MELK: variants seen among roughly 807,000 people sequenced by gnomAD.
MELK encodes the protein maternal embryonic leucine zipper kinase, also known as pEg3 kinase.
Under a neutral mutation model 85.0 loss-of-function variants are expected in MELK, and 81 were observed. That is an observed-to-expected ratio of 0.95 (90% confidence interval 0.80 to 1.15). The LOEUF is 1.15. Ranked by LOEUF, MELK falls within the 50% of genes most tolerant of loss-of-function variation. MELK has a pLI of 0.00. For missense variants in MELK, 754 were observed against 777.5 expected, an observed-to-expected ratio of 0.97 and a Z score of 0.36; for synonymous variants, 252 against 265.0, an observed-to-expected ratio of 0.95 and a Z score of 0.48.
intron 13 of MELK, among the ~76,000 whole-genome samples, chr9:36,658,845 G>A (rs1309575637): frequency 6.6e-6 from 1 of 150,924 alleles, no homozygotes; most frequent in Non-Finnish European, 1.5e-5. Context: ...GGGATTACAG[G>A]CACCCGCCAT....
chr9:36,607,806 C>T lies in MELK; in HGVS notation c.666+133C>T. On this transcript the variant is annotated intron_variant, in intron 8 of 17. Transcript: ENST00000298048. ...GTTAGAAGTCAAAATCTTAGTTATT[C>T]TTTGGGAGTGGTTAAGGAGTGGGCT... is the stretch of plus-strand genomic sequence containing the variant. The T allele has an allele frequency of 1.0e-5, 7 of 691,540 alleles. No individual in the cohort carries two copies. In the South Asian group the frequency reaches 1.3e-4, roughly 13 times the overall value. The allele number at this position is 691,540 out of a possible 1,614,324, so 42.8% of individuals were successfully genotyped here. A position where few individuals can be genotyped will look rare whatever the true frequency, so the allele number is the denominator to read the frequency against.
chr9:36,658,550 G>A (rs1313766938), intron 13 of MELK, among the ~76,000 whole-genome samples: 2 of 151,924 alleles, frequency 1.3e-5, no homozygotes, highest in African/African-American at 2.4e-5. Flanking sequence ...CTTTCCCTTG[G>A]TTCTTCAGAT....
chr9:36,643,120 C>T (rs998337196), intron 11 of MELK, 37 bp downstream of exon 11: 34 of 1,556,040 alleles, frequency 2.2e-5, no homozygotes, highest in Non-Finnish European at 2.6e-5. Flanking sequence ...CAGTGGCTCA[C>T]GCCTGTAATC....
chr9:36,607,004 C>A (rs1825627665), intron 7 of MELK: 1 of 152,216 alleles, frequency 6.6e-6, no homozygotes, highest in African/African-American at 2.4e-5. Context: ...AGGCTAGTCT[C>A]AAACTCCTGA....
At chr9:36,611,769 A>G (rs1826078245) in intron 8 of MELK, among the ~76,000 whole-genome samples, 1 of 149,350 alleles carries the variant, frequency 6.7e-6, no homozygotes, top group Admixed American at 6.7e-5. Flanking sequence ...TATTATTATT[A>G]TTATTATTAT....
intron 11 of MELK, among the ~76,000 whole-genome samples, chr9:36,651,253 CA>C (rs983601659): frequency 2.0e-5 from 3 of 152,098 alleles, no homozygotes; most frequent in African/African-American, 7.2e-5. Flanking sequence ...TGGTTGATGT[CA>C]GGGTAACAAT....
At chr9:36,615,463 C>G (rs1217124631) in intron 8 of MELK, among the ~76,000 whole-genome samples, 2 of 144,876 alleles carry the variant, frequency 1.4e-5, no homozygotes, top group Admixed American at 1.3e-4. Flanking sequence ...CACCTCCCTC[C>G]CGGATGGGGC....
rs150268458 is a variant in MELK at position 36,674,935 on chromosome 9, G to T, written c.1776G>T (p.Lys592Asn). ...LPKKHVDFVQKGYTLKCQTQS... is the reference protein window; with the variant it reads ...LPKKHVDFVQNGYTLKCQTQS... ...AGAAGCATGTTGACTTTGTACAAAA[G>T]GGGTAAGAAGCACATTTACAAGCTG... The change falls in exon 17 of 18, where the codon AAG becomes AAT. Residue 592 changes from lysine (K) to asparagine (N), a missense_variant and splice_region_variant. Coordinates refer to ENST00000298048, the MANE Select transcript of MELK (RefSeq NM_014791.4). 1.3e-6 allele frequency: 2 copies of T among 1,562,848 alleles called. No homozygotes were observed. Among genetic ancestry groups the T allele is most frequent in the Non-Finnish European group, 1.8e-6 (2 of 1,134,586 alleles).
chr9:36,631,905 G>A (rs910136722), intron 9 of MELK, among the ~76,000 whole-genome samples: 4 of 151,958 alleles, frequency 2.6e-5, no homozygotes, highest in Admixed American at 6.6e-5. Flanking sequence ...CAAGCGTTCT[G>A]CCTGTCTTGA....
intron 13 of MELK, among the ~76,000 whole-genome samples, chr9:36,663,753 GTCTA>G (rs1429972554): frequency 1.3e-5 from 2 of 152,064 alleles, no homozygotes; most frequent in Admixed American, 6.5e-5. Context: ...GTGTCTGTCT[GTCTA>G]TCTATCTCAC....
At chr9:36,617,929 C>T (rs1386955010) in intron 8 of MELK, among the ~76,000 whole-genome samples, 1 of 151,906 alleles carries the variant, frequency 6.6e-6, no homozygotes, top group Non-Finnish European at 1.5e-5. Flanking sequence ...AGTTTGAGAC[C>T]AGCCTGGGCA....
chr9:36,666,564 C>G lies in MELK; in HGVS notation c.1408+983C>G, dbSNP rs564104179. On this transcript the variant is annotated intron_variant, in intron 14 of 17. Coordinates refer to ENST00000298048, the MANE Select transcript of MELK (RefSeq NM_014791.4). ...ACTTTATTAGCCTTTTTCCCCCCAC[C>G]AATTGTGACCTTCTCAAGTTTCAAG... Among the ~76,000 whole-genome samples, 4 of 152,226 alleles carry G rather than the reference C, an allele frequency of 2.6e-5. No homozygotes were observed. The East Asian group carries it at 5.8e-4, about 22-fold the overall frequency.
chr9:36,658,619 G>A (rs2137532861), intron 13 of MELK, among the ~76,000 whole-genome samples: 1 of 152,114 alleles, frequency 6.6e-6, no homozygotes, highest in Admixed American at 6.6e-5. Context: ...GCTTGGTAAG[G>A]CCTACGTCTG....
At chr9:36,604,424 A>G (rs1825273165) in intron 7 of MELK, among the ~76,000 whole-genome samples, 1 of 151,432 alleles carries the variant, frequency 6.6e-6, no homozygotes, top group East Asian at 1.9e-4. Flanking sequence ...TCAGCCTTCC[A>G]AGTAGCTTGG....
chr9:36,663,685 C>A (rs1832073737), intron 13 of MELK, among the ~76,000 whole-genome samples: 2 of 152,184 alleles, frequency 1.3e-5, no homozygotes, highest in African/African-American at 4.8e-5. Context: ...CTTCCATCCA[C>A]CTTGTTGCAA....
chr9:36,590,025 C>T (rs1823378395), intron 4 of MELK, among the ~76,000 whole-genome samples: 4 of 151,476 alleles, frequency 2.6e-5, no homozygotes, highest in Admixed American at 2.6e-4. Flanking sequence ...GAGTTCACGC[C>T]ATTCTCCTGC....
At chr9:36,654,021 T>C (rs201392920) in intron 12 of MELK, among the ~76,000 whole-genome samples, 1 of 1,600 alleles carries the variant, frequency 6.3e-4, no homozygotes, top group South Asian at 0.018. Context: ...AAGGGAGATA[T>C]CCTGCATGGT....
chr9:36,647,950 C>G (rs1830374392), intron 11 of MELK, among the ~76,000 whole-genome samples: 2 of 152,054 alleles, frequency 1.3e-5, no homozygotes. Flanking sequence ...AAGTTATTAA[C>G]TAATAAAATT....
chr9:36,677,463 G>A lies in MELK; in HGVS notation c.*126G>A, dbSNP rs1304597023. Reference sequence around the variant, plus strand: ...ACTTGTTTCTAAAGAGCTATCTTAAGACCAATATCTCTTTGTTTTTAAACA... The same window carrying A: ...ACTTGTTTCTAAAGAGCTATCTTAAAACCAATATCTCTTTGTTTTTAAACA... On this transcript the variant is annotated 3_prime_UTR_variant, in exon 18 of 18. Coordinates refer to ENST00000298048, the MANE Select transcript of MELK (RefSeq NM_014791.4). 1 of 756,700 alleles carries A rather than the reference G, an allele frequency of 1.3e-6. No homozygotes were observed. Among genetic ancestry groups the A allele is most frequent in the Non-Finnish European group, 2.0e-6 (1 of 512,786 alleles). The allele number at this position is 756,700 out of a possible 1,614,324, so 46.9% of individuals were successfully genotyped here.
Sources: allele counts gnomAD v4.1 joint callset (sites outside exome capture counted in the v4.1 genomes callset), GRCh38; gene constraint gnomAD v4.1.1; transcripts MANE v1.5; gene names NCBI Gene and HGNC (gene_info 2026-07-23, HGNC 2026-07-21).